LOC128462377: variants seen among roughly 807,000 people sequenced by gnomAD.
At chr16:89,334,641 C>A in the LOC128462377 span, among the ~76,000 whole-genome samples, 5 of 152,228 alleles carry the variant, frequency 3.3e-5, no homozygotes, top group Middle Eastern at 0.014. Flanking sequence ...GCAGTCTCAG[C>A]CACGCTCCAT....
chr16:89,397,469 G>A, the LOC128462377 span, among the ~76,000 whole-genome samples: 10 of 152,368 alleles, frequency 6.6e-5, no homozygotes, highest in Middle Eastern at 3.4e-3. Context: ...GGACCCACAG[G>A]AAGCAGGCCT....
At chr16:89,317,103 C>T in the LOC128462377 span, 11 of 1,440,908 alleles carry the variant, frequency 7.6e-6, no homozygotes, top group Admixed American at 5.8e-5. Context: ...ACACACAATT[C>T]ACTGAATTCA....
the LOC128462377 span, among the ~76,000 whole-genome samples, chr16:89,352,803 T>G: frequency 6.6e-6 from 1 of 152,146 alleles, no homozygotes; most frequent in African/African-American, 2.4e-5. Context: ...CTGCCCTCCT[T>G]CAAGATGACC....
the LOC128462377 span, among the ~76,000 whole-genome samples, chr16:89,358,911 G>A: frequency 1.3e-5 from 2 of 151,750 alleles, no homozygotes; most frequent in East Asian, 1.9e-4. Context: ...CCACAGCCTC[G>A]ACCTCCTGGG....
At chr16:89,318,224 A>G in the LOC128462377 span, among the ~76,000 whole-genome samples, 4 of 152,132 alleles carry the variant, frequency 2.6e-5, no homozygotes, top group Non-Finnish European at 5.9e-5. Flanking sequence ...CACGCCTGGC[A>G]TGGACACTCT....
At chr16:89,334,630 C>T in the LOC128462377 span, among the ~76,000 whole-genome samples, 1 of 152,110 alleles carries the variant, frequency 6.6e-6, no homozygotes, top group East Asian at 1.9e-4. Context: ...CAGAGCCCAG[C>T]GCAGTCTCAG....
At chr16:89,324,100 T>C in the LOC128462377 span, 6 of 446,608 alleles carry the variant, frequency 1.3e-5, no homozygotes, top group Non-Finnish European at 2.1e-5. Context: ...TCTGCCGGCC[T>C]CGGCCTCCCA....
chr16:89,388,740 C>T, the LOC128462377 span, among the ~76,000 whole-genome samples: 1 of 152,164 alleles, frequency 6.6e-6, no homozygotes, highest in Non-Finnish European at 1.5e-5. Flanking sequence ...CCCGGGCTCA[C>T]ACAGGTCTGG....
the LOC128462377 span, chr16:89,392,732 G>A: frequency 6.8e-6 from 1 of 147,992 alleles, no homozygotes; most frequent in African/African-American, 2.5e-5. Flanking sequence ...ACGGTATCTA[G>A]GATGTCCGGC....
At chr16:89,318,236 G>A in the LOC128462377 span, among the ~76,000 whole-genome samples, 18 of 152,234 alleles carry the variant, frequency 1.2e-4, no homozygotes, top group Admixed American at 6.5e-4. Flanking sequence ...GGACACTCTC[G>A]GAGCATGGGC....
chr16:89,401,897 T>G, the LOC128462377 span, among the ~76,000 whole-genome samples: 1 of 139,850 alleles, frequency 7.2e-6, no homozygotes, highest in African/African-American at 2.7e-5. Flanking sequence ...CACCAGAGAC[T>G]CCCCCATCCC....
At chr16:89,384,879 C>CTTTTTGTTTTTTTTTTTTTTTTTT in the LOC128462377 span, among the ~76,000 whole-genome samples, 1 of 49,910 alleles carries the variant, frequency 2.0e-5, no homozygotes, top group African/African-American at 7.9e-5. Flanking sequence ...AAATAGTTTT[C>CTTTTTGTTTTTTTTTTTTTTTTTT]TTTTTTTTTT....
the LOC128462377 span, among the ~76,000 whole-genome samples, chr16:89,372,230 G>A: frequency 3.3e-4 from 51 of 152,332 alleles, no homozygotes; most frequent in East Asian, 9.7e-3. Flanking sequence ...TCAGAGCTGG[G>A]GAAAGAGCCA....
At chr16:89,392,134 G>T in the LOC128462377 span, among the ~76,000 whole-genome samples, 6 of 152,298 alleles carry the variant, frequency 3.9e-5, no homozygotes, top group Admixed American at 2.6e-4. Context: ...ACCGGACACA[G>T]CAGTTGGTAT....
chr16:89,411,831 C>G, the LOC128462377 span, among the ~76,000 whole-genome samples: 1 of 152,210 alleles, frequency 6.6e-6, no homozygotes, highest in East Asian at 1.9e-4. Context: ...GAATTCTCAG[C>G]AGAACTTGAG....
the LOC128462377 span, among the ~76,000 whole-genome samples, chr16:89,359,592 C>T: frequency 5.3e-5 from 8 of 152,138 alleles, no homozygotes; most frequent in African/African-American, 2.4e-5. Flanking sequence ...GGCTGCTGGC[C>T]GAAACTGTTA....
chr16:89,321,705 A>C, the LOC128462377 span, among the ~76,000 whole-genome samples: 2 of 152,146 alleles, frequency 1.3e-5, no homozygotes, highest in South Asian at 4.1e-4. Context: ...ACTCACAGAA[A>C]AAAAAAAAGA....
chr16:89,418,179 C>CTA, the LOC128462377 span: 3 of 425,450 alleles, frequency 7.1e-6, no homozygotes, highest in Non-Finnish European at 1.5e-5. Flanking sequence ...AAAACTCTAT[C>CTA]AAGTCCAAGA....
At chr16:89,417,894 C>T in the LOC128462377 span, among the ~76,000 whole-genome samples, 2 of 152,092 alleles carry the variant, frequency 1.3e-5, no homozygotes, top group African/African-American at 4.8e-5. Flanking sequence ...AGAATCCTCA[C>T]GCAAACTGTT....
Sources: allele counts gnomAD v4.1 joint callset (sites outside exome capture counted in the v4.1 genomes callset), GRCh38; gene constraint gnomAD v4.1.1; transcripts MANE v1.5.